CTIF: variants seen among roughly 807,000 people sequenced by gnomAD.
CTIF encodes the protein CBP80/20-dependent translation initiation factor.
CTIF carries 21 observed loss-of-function variants against 66.0 expected under a neutral mutation model. That is an observed-to-expected ratio of 0.32 (90% CI 0.23 to 0.46). The LOEUF (loss-of-function observed/expected upper bound fraction) is 0.46, where lower values mean the gene tolerates loss of function less well. Ranked by LOEUF, CTIF falls within the 20% of genes least tolerant of loss-of-function variation. The probability of loss-of-function intolerance (pLI) is 1.00; values close to 1 mark genes in which losing one functional copy is unlikely to be tolerated. For missense variants in CTIF, 739 were observed against 812.7 expected (o/e 0.91, Z 1.10); for synonymous variants, 345 against 326.4 (o/e 1.06, Z -0.62).
intron 1 of CTIF, among the ~76,000 whole-genome samples, chr18:48,593,155 C>T (rs1288345674): frequency 6.6e-6 from 1 of 152,166 alleles, no homozygotes; most frequent in Non-Finnish European, 1.5e-5. Context: ...GGCGGAGATT[C>T]CCTCTGGTCA....
At chr18:48,586,404 G>C (rs1001292500) in intron 1 of CTIF, among the ~76,000 whole-genome samples, 3 of 151,654 alleles carry the variant, frequency 2.0e-5, no homozygotes, top group Admixed American at 2.0e-4. Context: ...CCAAGTAACT[G>C]GGATTACAGG....
intron 1 of CTIF, among the ~76,000 whole-genome samples, chr18:48,607,946 G>A (rs1186585641): frequency 6.6e-6 from 1 of 152,160 alleles, no homozygotes; most frequent in Non-Finnish European, 1.5e-5. Flanking sequence ...GGACTATCAT[G>A]TATTATTTCA....
chr18:48,691,525 G>A (rs2091925103), intron 6 of CTIF, among the ~76,000 whole-genome samples: 1 of 144,254 alleles, frequency 6.9e-6, no homozygotes, highest in Non-Finnish European at 1.5e-5. Context: ...AATGCTCAGT[G>A]ACTCTTTGCC....
intron 7 of CTIF, among the ~76,000 whole-genome samples, chr18:48,720,731 G>C (rs770293872): frequency 1.3e-5 from 2 of 152,146 alleles, no homozygotes; most frequent in Non-Finnish European, 2.9e-5. Context: ...TGGAGCCCCT[G>C]ATACACCCAG....
intron 3 of CTIF, among the ~76,000 whole-genome samples, chr18:48,650,831 A>T (rs1338286139): frequency 1.9e-5 from 2 of 103,354 alleles, no homozygotes; most frequent in African/African-American, 6.7e-5. Flanking sequence ...AACATTCTTA[A>T]AGAAAAGAAT....
chr18:48,630,798 C>T (rs1380121178), intron 2 of CTIF, among the ~76,000 whole-genome samples: 3 of 152,094 alleles, frequency 2.0e-5, no homozygotes, highest in Non-Finnish European at 4.4e-5. Context: ...GCCTCAGCCT[C>T]CCAAGTAGCT....
Position 48,670,721 on chromosome 18 carries a change from G to A in CTIF, c.484G>A (p.Glu162Lys), listed in dbSNP as rs756486451. 1.7e-5 allele frequency: 27 copies of A among 1,613,998 alleles called. No individual in the cohort carries two copies. The Admixed American group carries it at 2.3e-4, about 14-fold the overall frequency. The change falls in exon 6 of 12, where the codon GAG becomes AAG. Residue 162 changes from glutamate (E) to lysine (K), a missense_variant. Glu to Lys is a moderately conservative substitution (Grantham distance 56, BLOSUM62 1). Coordinates refer to ENST00000256413, the MANE Select transcript of CTIF (RefSeq NM_014772.3). ...GGATGGCATCAACCTGAATGACATC[G>A]AGAAGGTCCTTCCAGCCTGGCAGGT... The part of the protein sequence containing the change: ...DGDGINLNDI[E>K]KVLPAWQGYH...
At chr18:48,602,613 C>G (rs2090110101) in intron 1 of CTIF, among the ~76,000 whole-genome samples, 1 of 152,204 alleles carries the variant, frequency 6.6e-6, no homozygotes, top group African/African-American at 2.4e-5. Flanking sequence ...GTGGAGCAAG[C>G]AGATCAAAAA....
At chr18:48,658,374 A>G (rs1434188264) in intron 3 of CTIF, among the ~76,000 whole-genome samples, 1 of 151,884 alleles carries the variant, frequency 6.6e-6, no homozygotes, top group African/African-American at 2.4e-5. Context: ...TAGTTGTAGT[A>G]TACATGTATA....
At chr18:48,617,066 A>G (rs58964) in intron 1 of CTIF, among the ~76,000 whole-genome samples, 49,194 of 152,174 alleles carry the variant, frequency 0.32, 10,164 homozygotes, top group African/African-American at 0.59. Context: ...TTGAATTCTT[A>G]GCTGGAGGCT....
chr18:48,559,382 G>T (rs772515580), intron 1 of CTIF, among the ~76,000 whole-genome samples: 63 of 152,184 alleles, frequency 4.1e-4, no homozygotes, highest in Non-Finnish European at 7.4e-4. Flanking sequence ...ACAAACAAAA[G>T]AATATTTTCT....
intron 9 of CTIF, among the ~76,000 whole-genome samples, chr18:48,773,628 C>T (rs1372230030): frequency 2.0e-5 from 3 of 152,214 alleles, no homozygotes; most frequent in Admixed American, 2.0e-4. Context: ...CCTGGGTGAG[C>T]AGGCTTCCCC....
chr18:48,661,497 C>T (rs1165619650), intron 3 of CTIF, among the ~76,000 whole-genome samples: 4 of 151,930 alleles, frequency 2.6e-5, no homozygotes, highest in Non-Finnish European at 4.4e-5. Context: ...GTCAACATCT[C>T]GGGAGGCAGG....
intron 7 of CTIF, among the ~76,000 whole-genome samples, chr18:48,746,395 G>A (rs1598968313): frequency 6.6e-6 from 1 of 151,938 alleles, no homozygotes; most frequent in Admixed American, 6.5e-5. Flanking sequence ...GTCACAGCTT[G>A]CTGGCCTGAT....
rs1909033860 is a variant in CTIF at position 48,761,848 on chromosome 18, G to A, written c.1371+159G>A. Reference sequence around the variant, plus strand: ...TAGAAAACACAAAGGCAGTTAAGGGGCCAGGAATGAGCGGCTGGATTTGTG... The same window carrying A: ...TAGAAAACACAAAGGCAGTTAAGGGACCAGGAATGAGCGGCTGGATTTGTG... On this transcript the variant is annotated intron_variant, in intron 9 of 11. Transcript: ENST00000256413. The surrounding 1 kb of genome is among the most constrained non-coding windows in gnomAD (Gnocchi z 4.2). Among the ~76,000 whole-genome samples, 1 of 152,250 alleles carries A rather than the reference G, an allele frequency of 6.6e-6. No individual in the cohort carries two copies. The highest frequency in any genetic ancestry group is 2.4e-5 in the African/African-American group (1 of 41,462).
intron 9 of CTIF, among the ~76,000 whole-genome samples, chr18:48,776,084 T>A (rs1910641372): frequency 6.6e-6 from 1 of 152,246 alleles, no homozygotes; most frequent in African/African-American, 2.4e-5. Flanking sequence ...GGCTGCTGAA[T>A]CTGCGACCCT....
At chr18:48,710,298 C>T (rs2092210071) in intron 6 of CTIF, among the ~76,000 whole-genome samples, 2 of 152,230 alleles carry the variant, frequency 1.3e-5, no homozygotes, top group South Asian at 2.1e-4. Flanking sequence ...GACTGCTCTC[C>T]AGCAGCCTGG....
chr18:48,666,114 T>C (rs1387402366), intron 5 of CTIF, among the ~76,000 whole-genome samples: 2 of 152,188 alleles, frequency 1.3e-5, no homozygotes, highest in African/African-American at 2.4e-5. Flanking sequence ...CCAGCACTTG[T>C]GTTTTTTTTT....
chr18:48,623,921 T>C (rs1156679754), intron 2 of CTIF, among the ~76,000 whole-genome samples: 1 of 151,638 alleles, frequency 6.6e-6, no homozygotes, highest in East Asian at 1.9e-4. Context: ...AGATAATACA[T>C]AGATAATAGA....
Sources: allele counts gnomAD v4.1 joint callset (sites outside exome capture counted in the v4.1 genomes callset), GRCh38; gene constraint gnomAD v4.1.1; non-coding constraint Gnocchi (gnomAD v3.1); transcripts MANE v1.5; gene names NCBI Gene and HGNC (gene_info 2026-07-23, HGNC 2026-07-21).